The following EPHA3 variants were observed in gnomAD, a reference collection of about 807,000 sequenced individuals.
The protein encoded by EPHA3 is ephrin type-A receptor 3.
Under a neutral mutation model 107.1 loss-of-function variants are expected in EPHA3, and 42 were observed. That is an observed-to-expected ratio of 0.39 (90% CI 0.31 to 0.51). The LOEUF is 0.51. Ranked by LOEUF, EPHA3 falls within the 20% of genes least tolerant of loss-of-function variation. The probability of loss-of-function intolerance (pLI) is 0.78; values close to 1 mark genes in which losing one functional copy is unlikely to be tolerated. For synonymous variants in EPHA3, 461 were observed against 424.8 expected (o/e 1.09, Z -1.05); for missense variants, 1,183 against 1,211.2 (o/e 0.98, Z 0.35).
At chr3:89,435,560 T>C (rs1709650766) in intron 13 of EPHA3, among the ~76,000 whole-genome samples, 1 of 145,628 alleles carries the variant, frequency 6.9e-6, no homozygotes, top group African/African-American at 2.5e-5. Flanking sequence ...ATATATATAC[T>C]ATATAGTATA....
intron 3 of EPHA3, among the ~76,000 whole-genome samples, chr3:89,250,614 C>T (rs1397322540): frequency 6.6e-6 from 1 of 152,120 alleles, no homozygotes; most frequent in African/African-American, 2.4e-5. Context: ...CTGTGCTGAC[C>T]TAATACCTAA....
At chr3:89,330,371 T>C (rs1707258570) in intron 3 of EPHA3, among the ~76,000 whole-genome samples, 1 of 152,138 alleles carries the variant, frequency 6.6e-6, no homozygotes, top group African/African-American at 2.4e-5. Flanking sequence ...GTTGGTAATA[T>C]TATGTGATAA....
chr3:89,457,553 C>T (rs988449205), intron 15 of EPHA3, among the ~76,000 whole-genome samples: 2 of 152,202 alleles, frequency 1.3e-5, no homozygotes, highest in Non-Finnish European at 2.9e-5. Flanking sequence ...CCCCACCACA[C>T]CCCCATTCGT....
chr3:89,257,557 G>A lies in EPHA3; in HGVS notation c.814+47037G>A, dbSNP rs185971933. Among the ~76,000 whole-genome samples the A allele has an allele frequency of 3.7e-4, 57 of 152,058 alleles. 2 individuals are homozygous for A. In the East Asian group the frequency reaches 9.9e-3, roughly 26 times the overall value. On this transcript the variant is annotated intron_variant, in intron 3 of 16. Transcript: ENST00000336596. ...TATCTTATTATTTGAAAGCCAGAAAGTGTTTGAAGACTAACGGGAATATAG... is the reference window on the plus strand; with the variant it reads ...TATCTTATTATTTGAAAGCCAGAAAATGTTTGAAGACTAACGGGAATATAG...
chr3:89,145,671 C>A (rs879915625), intron 2 of EPHA3, among the ~76,000 whole-genome samples: 2 of 151,690 alleles, frequency 1.3e-5, no homozygotes, highest in Non-Finnish European at 2.9e-5. Context: ...TATTAAATAT[C>A]CACTTAGTCA....
chr3:89,189,049 G>C (rs1705641029), intron 2 of EPHA3, among the ~76,000 whole-genome samples: 1 of 152,150 alleles, frequency 6.6e-6, no homozygotes, highest in Non-Finnish European at 1.5e-5. Flanking sequence ...GCCTGTGCCT[G>C]GAGTGTAATA....
intron 3 of EPHA3, among the ~76,000 whole-genome samples, chr3:89,265,967 AT>A (rs1329350077): frequency 6.6e-6 from 1 of 152,040 alleles, no homozygotes; most frequent in Admixed American, 6.6e-5. Flanking sequence ...TTGATTGAAA[AT>A]TTGCTTAGGA....
At chr3:89,134,487 G>C (rs1399309747) in intron 2 of EPHA3, among the ~76,000 whole-genome samples, 1 of 151,964 alleles carries the variant, frequency 6.6e-6, no homozygotes, top group Non-Finnish European at 1.5e-5. Context: ...TTGTCCTTGC[G>C]ATAGTTTGCT....
chr3:89,457,463 G>A (rs568581584), intron 15 of EPHA3, among the ~76,000 whole-genome samples: 22 of 152,226 alleles, frequency 1.4e-4, no homozygotes, highest in African/African-American at 4.3e-4. Flanking sequence ...CCGCACACAC[G>A]AGGAGTCTAG....
intron 5 of EPHA3, among the ~76,000 whole-genome samples, chr3:89,385,910 G>A (rs1708610782): frequency 1.3e-5 from 2 of 152,314 alleles, no homozygotes; most frequent in South Asian, 2.1e-4. Flanking sequence ...TGACCAGGCT[G>A]AGGTGGTCTC....
chr3:89,200,762 C>G (rs1049506537), intron 2 of EPHA3, among the ~76,000 whole-genome samples: 1 of 152,186 alleles, frequency 6.6e-6, no homozygotes, highest in Non-Finnish European at 1.5e-5. Flanking sequence ...ACATCGTCCC[C>G]ATGGCTGCAT....
At chr3:89,371,836 C>A (rs1708311091) in intron 5 of EPHA3, among the ~76,000 whole-genome samples, 1 of 151,494 alleles carries the variant, frequency 6.6e-6, no homozygotes, top group South Asian at 2.1e-4. Flanking sequence ...ATATCCTAGT[C>A]AACACTGCTT....
intron 3 of EPHA3, among the ~76,000 whole-genome samples, chr3:89,278,336 G>C (rs1382605477): frequency 6.6e-6 from 1 of 152,188 alleles, no homozygotes; most frequent in African/African-American, 2.4e-5. Context: ...GTAGGTGGCT[G>C]AAGCCAGAGA....
At chr3:89,381,248 AG>A (rs1179230888) in intron 5 of EPHA3, among the ~76,000 whole-genome samples, 19 of 151,818 alleles carry the variant, frequency 1.3e-4, no homozygotes, top group Middle Eastern at 3.4e-3. Context: ...CTGGGATTAC[AG>A]GCCTGAGCCA....
chr3:89,213,685 T>G (rs1704160131), intron 3 of EPHA3, among the ~76,000 whole-genome samples: 5 of 152,132 alleles, frequency 3.3e-5, no homozygotes, highest in Non-Finnish European at 2.9e-5. Context: ...AATCAATTGT[T>G]TCTAGATTAA....
rs568513144 is a variant in EPHA3, at chr3:89,455,105, A to G, written c.2690+4735A>G. ...TCGAAAACTATTTTTATATAATACA[A>G]TGAGATGACTATAGTCAATAATACC... On this transcript the variant is annotated intron_variant, in intron 15 of 16. Coordinates refer to ENST00000336596, the MANE Select transcript of EPHA3 (RefSeq NM_005233.6). Among the ~76,000 whole-genome samples, 384 of 152,354 alleles carry G rather than the reference A, an allele frequency of 2.5e-3. 3 individuals are homozygous for G. The highest frequency in any genetic ancestry group is 8.6e-3 in the African/African-American group (358 of 41,588).
chr3:89,222,273 C>G lies in EPHA3; in HGVS notation c.814+11753C>G, dbSNP rs571577520. Among the ~76,000 whole-genome samples the G allele has an allele frequency of 1.5e-4, 23 of 149,960 alleles. No homozygotes were observed. The South Asian group carries it at 4.8e-3, about 32-fold the overall frequency. Reference sequence around the variant, plus strand: ...GATTGGGAATGAATTTTGGACCTGGCTAGCATTTCTGTTACAGACATTGGG... The same window carrying G: ...GATTGGGAATGAATTTTGGACCTGGGTAGCATTTCTGTTACAGACATTGGG... On this transcript the variant is annotated intron_variant, in intron 3 of 16. Transcript: ENST00000336596.
Position 89,341,967 on chromosome 3 carries a change from A to G in EPHA3, c.1183A>G (p.Thr395Ala), listed in dbSNP as rs1205132450. 6.2e-7 allele frequency: 1 copy of G among 1,613,310 alleles called. No homozygotes were observed. The highest frequency in any genetic ancestry group is 1.3e-5 in the African/African-American group (1 of 74,666). Residue 395 changes from threonine (T) to alanine (A), a missense_variant, in exon 5 of 17, where the codon ACA (threonine) becomes GCA (alanine). Physicochemically the swap from Thr to Ala is moderately conservative, Grantham distance 58 (BLOSUM62 0). Coordinates refer to ENST00000336596, the MANE Select transcript of EPHA3 (RefSeq NM_005233.6). ...RQFGLTNTTV[T>A]VTDLLAHTNY... is the part of the protein sequence containing the mutation. ...GTTTGGACTCACCAACACCACGGTGACAGTGACAGACCTTCTGGCACATAC... is the reference window on the plus strand; with the variant it reads ...GTTTGGACTCACCAACACCACGGTGGCAGTGACAGACCTTCTGGCACATAC...
chr3:89,301,262 C>T (rs139487388), intron 3 of EPHA3, among the ~76,000 whole-genome samples: 101 of 152,028 alleles, frequency 6.6e-4, no homozygotes, highest in South Asian at 3.5e-3. Context: ...CATTGTAGGA[C>T]GAATGTACAG....
Sources: gnomAD v4.1 joint callset for allele counts (sites outside exome capture counted in the v4.1 genomes callset) on GRCh38, gnomAD v4.1.1 for gene constraint, MANE v1.5 for transcripts, NCBI Gene and HGNC (gene_info 2026-07-23, HGNC 2026-07-21) for gene names.